PLCXD3: variants seen among roughly 807,000 people sequenced by gnomAD.
The protein encoded by PLCXD3 is phosphatidylinositol specific phospholipase C X domain containing 3, also known as PI-PLC X domain-containing protein 3.
Under a neutral mutation model 25.5 loss-of-function variants are expected in PLCXD3, and 19 were observed. The observed-to-expected ratio is 0.75, with a 90% CI of 0.52 to 1.09. PLCXD3 has a LOEUF of 1.09. Among genes scored for constraint, PLCXD3 ranks in the 50% least tolerant of loss-of-function variants. The pLI is 0.00. For missense variants in PLCXD3, 411 were observed against 388.1 expected, an observed-to-expected ratio of 1.06 and a Z score of -0.50; for synonymous variants, 174 against 137.6, an observed-to-expected ratio of 1.26 and a Z score of -1.85.
chr5:41,330,867 C>T (rs1485582214), intron 2 of PLCXD3, among the ~76,000 whole-genome samples: 2 of 152,150 alleles, frequency 1.3e-5, no homozygotes, highest in Non-Finnish European at 2.9e-5. Flanking sequence ...TCAATAGATG[C>T]AGAAAAGACC....
At chr5:41,443,020 C>T (rs962905322) in intron 1 of PLCXD3, among the ~76,000 whole-genome samples, 9 of 149,656 alleles carry the variant, frequency 6.0e-5, no homozygotes, top group African/African-American at 2.2e-4. Context: ...TAACATTTGT[C>T]CATATATATG....
intron 1 of PLCXD3, among the ~76,000 whole-genome samples, chr5:41,403,398 G>GTTTTTTTTTTTTTTTTTTTTTTTTTT (rs764950342): frequency 8.8e-5 from 3 of 33,990 alleles, no homozygotes; most frequent in Non-Finnish European, 1.3e-4. Flanking sequence ...TGACTTATTT[G>GTTTTTTTTTTTTTTTTTTTTTTTTTT]TTGTTTTTTT....
Position 41,471,921 on chromosome 5 carries a change from C to G in PLCXD3, c.103+38503G>C, listed in dbSNP as rs1450173579. ...CCTTCCCTTCCCTTCCCTTCCCTTC[C>G]CTTCCCCTCCCTTCCCCTCCCCTCC... is the stretch of plus-strand genomic sequence containing the variant. On this transcript the variant is annotated intron_variant, in intron 1 of 2. Coordinates refer to ENST00000377801, the MANE Select transcript of PLCXD3 (RefSeq NM_001005473.3). 8.2e-4 allele frequency among the ~76,000 whole-genome samples: 26 copies of G among 31,770 alleles called. 1 individual carries two copies. The highest frequency in any genetic ancestry group is 2.7e-3 in the African/African-American group (20 of 7,446). 20.8% of individuals were successfully genotyped at this position (31,770 alleles called of 152,430 possible).
At chr5:41,394,997 T>C (rs913533239) in intron 1 of PLCXD3, among the ~76,000 whole-genome samples, 1 of 152,258 alleles carries the variant, frequency 6.6e-6, no homozygotes, top group East Asian at 1.9e-4. Context: ...TACAGAAAAT[T>C]TTATCCATGA....
intron 1 of PLCXD3, among the ~76,000 whole-genome samples, chr5:41,503,987 T>TTG (rs36021542): frequency 0.4 from 59,420 of 148,316 alleles, 12,770 homozygotes; most frequent in African/African-American, 0.6. Flanking sequence ...GTGTGTGCAC[T>TTG]TGTGTGTGTG....
chr5:41,420,826 C>A (rs1715133872), intron 1 of PLCXD3, among the ~76,000 whole-genome samples: 1 of 152,196 alleles, frequency 6.6e-6, no homozygotes, highest in African/African-American at 2.4e-5. Context: ...GCATTGTCTG[C>A]AAGTTCTTGG....
chr5:41,498,313 TAAAC>T (rs763863662), intron 1 of PLCXD3, among the ~76,000 whole-genome samples: 117 of 151,396 alleles, frequency 7.7e-4, no homozygotes, highest in Non-Finnish European at 1.2e-3. Context: ...AACACTCAAA[TAAAC>T]AAAATCAAAA....
At chr5:41,372,223 A>G (rs952515199) in intron 2 of PLCXD3, among the ~76,000 whole-genome samples, 2 of 151,798 alleles carry the variant, frequency 1.3e-5, no homozygotes, top group African/African-American at 4.8e-5. Flanking sequence ...GGTTTACTAG[A>G]GTGGGAGAGT....
intron 1 of PLCXD3, among the ~76,000 whole-genome samples, chr5:41,449,692 G>A (rs1243671159): frequency 6.6e-6 from 1 of 152,076 alleles, no homozygotes; most frequent in East Asian, 1.9e-4. Flanking sequence ...ACATACTATA[G>A]GAGTGCCTCA....
At chr5:41,424,335 G>A (rs958427899) in intron 1 of PLCXD3, among the ~76,000 whole-genome samples, 1 of 152,156 alleles carries the variant, frequency 6.6e-6, no homozygotes, top group African/African-American at 2.4e-5. Context: ...CCTGAGGTCA[G>A]GAGTTCGAGA....
intron 1 of PLCXD3, among the ~76,000 whole-genome samples, chr5:41,495,805 A>AT (rs1165418720): frequency 3.3e-5 from 5 of 152,114 alleles, no homozygotes; most frequent in African/African-American, 7.2e-5. Flanking sequence ...TGAGAGGTGG[A>AT]TTTTTTTCAA....
At chr5:41,460,101 C>G (rs1024447794) in intron 1 of PLCXD3, among the ~76,000 whole-genome samples, 1 of 151,834 alleles carries the variant, frequency 6.6e-6, no homozygotes, top group Non-Finnish European at 1.5e-5. Context: ...CAAAGATATG[C>G]GTATATAGAA....
chr5:41,469,526 T>G (rs1469616850), intron 1 of PLCXD3, among the ~76,000 whole-genome samples: 1 of 151,260 alleles, frequency 6.6e-6, no homozygotes, highest in African/African-American at 2.4e-5. Context: ...AGTGTTTCAA[T>G]CCCTTATTTG....
rs1743181265 is a variant in PLCXD3, at chr5:41,313,022, A to G, written c.*595T>C. On this transcript the variant is annotated 3_prime_UTR_variant, in exon 3 of 3. Coordinates refer to ENST00000377801, the MANE Select transcript of PLCXD3 (RefSeq NM_001005473.3). ...CTATTATTTTCATATAACAAAAATCACTGATTATGACCTTCAATATTACTG... is the reference window on the plus strand; with the variant it reads ...CTATTATTTTCATATAACAAAAATCGCTGATTATGACCTTCAATATTACTG... 6.6e-6 allele frequency: 1 copy of G among 152,628 alleles called. No homozygotes were observed. The highest frequency in any genetic ancestry group is 6.6e-5 in the Admixed American group (1 of 15,264). 9.5% of individuals were successfully genotyped at this position (152,628 alleles called of 1,614,324 possible).
chr5:41,372,083 G>A (rs927228918), intron 2 of PLCXD3, among the ~76,000 whole-genome samples: 3 of 151,632 alleles, frequency 2.0e-5, no homozygotes, highest in South Asian at 2.1e-4. Flanking sequence ...TACCCCCATC[G>A]ACCTACCTCC....
intron 1 of PLCXD3, among the ~76,000 whole-genome samples, chr5:41,487,434 G>A (rs542836942): frequency 6.6e-6 from 1 of 152,136 alleles, no homozygotes; most frequent in African/African-American, 2.4e-5. Flanking sequence ...TTTGTCATTT[G>A]ATAGGCAACA....
intron 1 of PLCXD3, among the ~76,000 whole-genome samples, chr5:41,390,450 T>C (rs1350717319): frequency 6.6e-6 from 1 of 152,166 alleles, no homozygotes; most frequent in Non-Finnish European, 1.5e-5. Context: ...AAAAAGATTG[T>C]CTCATTTTAT....
intron 1 of PLCXD3, among the ~76,000 whole-genome samples, chr5:41,450,977 T>C (rs1747616627): frequency 6.6e-6 from 1 of 152,120 alleles, no homozygotes; most frequent in Admixed American, 6.6e-5. Flanking sequence ...GCTATCTCTA[T>C]GCCTAACTGA....
chr5:41,398,846 G>A (rs1004652860), intron 1 of PLCXD3, among the ~76,000 whole-genome samples: 3 of 152,116 alleles, frequency 2.0e-5, no homozygotes, highest in Non-Finnish European at 4.4e-5. Flanking sequence ...ACTACTGGAA[G>A]CCCTAGCTAG....
Sources: allele counts gnomAD v4.1 joint callset (sites outside exome capture counted in the v4.1 genomes callset), GRCh38; gene constraint gnomAD v4.1.1; transcripts MANE v1.5; gene names NCBI Gene and HGNC (gene_info 2026-07-23, HGNC 2026-07-21).